The following CAB39L variants were observed in gnomAD, a reference collection of about 807,000 sequenced individuals.
The protein encoded by CAB39L is calcium binding protein 39 like.
Under a neutral mutation model 39.1 loss-of-function variants are expected in CAB39L, and 23 were observed. The ratio of observed to expected loss-of-function variants is 0.59; its 90% confidence interval spans 0.42 to 0.83. The LOEUF is 0.83. Among genes scored for constraint, CAB39L ranks in the 40% least tolerant of loss-of-function variants. The pLI, the probability that CAB39L is intolerant of heterozygous loss-of-function variation, is 0.00. For synonymous variants in CAB39L, 126 were observed against 137.2 expected (o/e 0.92, Z 0.57); for missense variants, 366 against 391.9 (o/e 0.93, Z 0.56).
intron 3 of CAB39L, among the ~76,000 whole-genome samples, chr13:49,421,719 G>A (rs1174366767): frequency 1.3e-5 from 2 of 152,004 alleles, no homozygotes; most frequent in Non-Finnish European, 2.9e-5. Flanking sequence ...GCCTAGTGGA[G>A]AGCCTGAACC....
chr13:49,402,885 G>A (rs1956802996), intron 3 of CAB39L, among the ~76,000 whole-genome samples: 1 of 152,002 alleles, frequency 6.6e-6, no homozygotes, highest in East Asian at 1.9e-4. Flanking sequence ...AATTTTTAGA[G>A]TTTTATTTCT....
chr13:49,343,355 T>C (rs760003077), intron 8 of CAB39L, among the ~76,000 whole-genome samples: 4 of 152,168 alleles, frequency 2.6e-5, no homozygotes, highest in Non-Finnish European at 4.4e-5. Flanking sequence ...CAGGTATTAT[T>C]ACTATGTTCA....
chr13:49,366,186 G>C lies in CAB39L; in HGVS notation c.277-6354C>G, dbSNP rs534293359. Among the ~76,000 whole-genome samples the C allele has an allele frequency of 5.9e-5, 9 of 152,214 alleles. 1 individual carries two copies. Among genetic ancestry groups the C allele is most frequent in the African/African-American group, 2.2e-4 (9 of 41,546 alleles). On this transcript the variant is annotated intron_variant, in intron 5 of 10. Transcript: ENST00000409308. ...GTAGCAGGGGAGTGTGTCAGGGTGA[G>C]ATGGGGATGGTTAATGGGTACAAAA...
intron 3 of CAB39L, among the ~76,000 whole-genome samples, chr13:49,430,606 T>TA (rs1957306510): frequency 6.6e-6 from 1 of 152,220 alleles, no homozygotes; most frequent in Non-Finnish European, 1.5e-5. Flanking sequence ...CTTCCTGTGC[T>TA]TGTTATGTGG....
intron 7 of CAB39L, among the ~76,000 whole-genome samples, chr13:49,346,903 G>C (rs911936510): frequency 8.6e-5 from 13 of 151,902 alleles, no homozygotes; most frequent in African/African-American, 2.9e-4. Context: ...ATCCTTTTTG[G>C]GAAAAGACTT....
chr13:49,346,296 C>A (rs1593957118), intron 7 of CAB39L, among the ~76,000 whole-genome samples: 3 of 127,464 alleles, frequency 2.4e-5, no homozygotes, highest in African/African-American at 5.9e-5. Context: ...AATACATAGA[C>A]AAATATAATT....
chr13:49,406,333 A>ATTTTTTTTTTTTT (rs34078174), intron 3 of CAB39L, among the ~76,000 whole-genome samples: 7 of 90,630 alleles, frequency 7.7e-5, no homozygotes, highest in Admixed American at 1.2e-4. Context: ...ATGCCCAGCT[A>ATTTTTTTTTTTTT]TTTTTTTTTT....
At position 49,410,467 on chromosome 13, in the gene CAB39L, ATGTTGGAGAATCATATTATTAC is replaced by A. The variant is rs375707708; in HGVS notation, c.-32+22829_-32+22850del. 2.9e-3 allele frequency among the ~76,000 whole-genome samples: 446 copies of A among 152,320 alleles called. 1 individual carries two copies. In the Middle Eastern group the frequency reaches 0.031, roughly 10 times the overall value. On this transcript the variant is annotated intron_variant, in intron 3 of 10. Transcript: ENST00000409308. ...GAAACCAGAACTATACAAAAATTTTATGTTGGAGAATCATATTATTACTGTTATAAATCTTTAAAAGTACAAC... is the reference window on the plus strand; with the variant it reads ...GAAACCAGAACTATACAAAAATTTTATGTTATAAATCTTTAAAAGTACAAC...
At position 49,350,804 on chromosome 13, in the gene CAB39L, G is replaced by A. The variant is rs1161914221; in HGVS notation, c.504C>T (p.Phe168=). ...IILFSNQFRD[F]FKYVELSTFD... is the part of the protein sequence containing the mutation. ...ATGTTGACAACTCCACGTACTTAAA[G>A]AAATCTCTGAATTGATTAGAAAAGA... The change falls in exon 7 of 11, where the codon TTC becomes TTT. Residue 168 remains phenylalanine, a synonymous_variant. Transcript: ENST00000409308. 1 of 1,608,342 alleles carries A rather than the reference G, an allele frequency of 6.2e-7. No individual in the cohort carries two copies. Among genetic ancestry groups the A allele is most frequent in the Admixed American group, 1.7e-5 (1 of 59,224 alleles).
chr13:49,414,655 ATAT>A (rs1188453312), intron 3 of CAB39L, among the ~76,000 whole-genome samples: 5 of 152,184 alleles, frequency 3.3e-5, no homozygotes, highest in Non-Finnish European at 2.9e-5. Flanking sequence ...AAAATCATAA[ATAT>A]TATATATATA....
chr13:49,373,039 C>T (rs914777144), intron 5 of CAB39L, among the ~76,000 whole-genome samples: 4 of 152,188 alleles, frequency 2.6e-5, no homozygotes, highest in African/African-American at 7.2e-5. Context: ...AATCACAGCA[C>T]AGTGCAGAAA....
chr13:49,399,073 G>A (rs966922181), intron 3 of CAB39L, among the ~76,000 whole-genome samples: 4 of 151,992 alleles, frequency 2.6e-5, no homozygotes, highest in African/African-American at 7.2e-5. Context: ...AAGGAAAAAC[G>A]TGTGCCCCTA....
intron 10 of CAB39L, among the ~76,000 whole-genome samples, chr13:49,320,879 C>A (rs1030819712): frequency 6.6e-6 from 1 of 152,150 alleles, no homozygotes; most frequent in African/African-American, 2.4e-5. Context: ...AATCTGCAAG[C>A]TGGTTGGGTG....
At chr13:49,346,256 A>G (rs1955172123) in intron 7 of CAB39L, among the ~76,000 whole-genome samples, 4 of 148,454 alleles carry the variant, frequency 2.7e-5, no homozygotes, top group Admixed American at 2.7e-4. Flanking sequence ...TACAAACCAC[A>G]TATACATACA....
At chr13:49,347,731 A>G (rs554337579) in intron 7 of CAB39L, among the ~76,000 whole-genome samples, 18 of 151,964 alleles carry the variant, frequency 1.2e-4, no homozygotes, top group African/African-American at 4.3e-4. Context: ...CCGCTGTACA[A>G]TTTTTGTCTT....
chr13:49,375,784 T>C (rs9535215), intron 5 of CAB39L, among the ~76,000 whole-genome samples: 81,257 of 149,690 alleles, frequency 0.54, 23,439 homozygotes, highest in African/African-American at 0.72. Flanking sequence ...ACCCTAGAAC[T>C]TAAAGTATAA....
At chr13:49,311,713 C>A (rs1378262654) in intron 10 of CAB39L, among the ~76,000 whole-genome samples, 1 of 151,930 alleles carries the variant, frequency 6.6e-6, no homozygotes, top group Non-Finnish European at 1.5e-5. Flanking sequence ...AAATAAAAAA[C>A]TTTAAGCACA....
intron 3 of CAB39L, among the ~76,000 whole-genome samples, chr13:49,413,221 A>C (rs925088744): frequency 4.6e-5 from 7 of 152,220 alleles, no homozygotes; most frequent in Non-Finnish European, 8.8e-5. Context: ...GCAAGGGACC[A>C]AGGTATATTT....
At chr13:49,421,917 AAAT>A (rs1019540055) in intron 3 of CAB39L, among the ~76,000 whole-genome samples, 1 of 152,084 alleles carries the variant, frequency 6.6e-6, no homozygotes, top group Non-Finnish European at 1.5e-5. Flanking sequence ...TACACACAAA[AAAT>A]AATAATAATA....
Sources: allele counts gnomAD v4.1 joint callset (sites outside exome capture counted in the v4.1 genomes callset), GRCh38; gene constraint gnomAD v4.1.1; transcripts MANE v1.5; gene names NCBI Gene and HGNC (gene_info 2026-07-23, HGNC 2026-07-21).